The following SNX29 variants were observed in gnomAD, a reference collection of about 807,000 sequenced individuals.
SNX29 encodes the protein sorting nexin-29.
A neutral mutation model predicts 102.1 loss-of-function variants in SNX29; 78 were observed. That is an observed-to-expected ratio of 0.76 (90% CI 0.64 to 0.92). The LOEUF (loss-of-function observed/expected upper bound fraction) is 0.92. Among genes scored for constraint, SNX29 ranks in the 40% least tolerant of loss-of-function variants. SNX29 has a pLI of 0.00. For synonymous variants in SNX29, 580 were observed against 414.5 expected (o/e 1.40, Z -4.85); for missense variants, 1,280 against 1,061.7 (o/e 1.21, Z -2.86).
At chr16:12,315,107 A>G (rs209852) in intron 15 of SNX29, among the ~76,000 whole-genome samples, 151,946 of 152,308 alleles carry the variant, frequency 1, 75,792 homozygotes, top group Middle Eastern at 1. Flanking sequence ...CTCTGGAATC[A>G]TGGGAGGCCT....
intron 20 of SNX29, among the ~76,000 whole-genome samples, chr16:12,559,681 A>C (rs542901008): frequency 6.6e-6 from 1 of 152,220 alleles, no homozygotes; most frequent in South Asian, 2.1e-4. Flanking sequence ...GGCCTGGGGC[A>C]GTAACTTCTC....
At chr16:12,536,700 G>A (rs1437224749) in intron 20 of SNX29, among the ~76,000 whole-genome samples, 1 of 152,204 alleles carries the variant, frequency 6.6e-6, no homozygotes, top group Non-Finnish European at 1.5e-5. Flanking sequence ...TCAGGGGGCT[G>A]GACGTGGTGG....
intron 18 of SNX29, among the ~76,000 whole-genome samples, chr16:12,425,155 T>C (rs933696622): frequency 1.3e-5 from 2 of 152,220 alleles, no homozygotes; most frequent in Admixed American, 1.3e-4. Flanking sequence ...ATCTGTGCTC[T>C]TGGAGGTTGT....
chr16:12,400,372 G>T (rs1401285657), intron 17 of SNX29, among the ~76,000 whole-genome samples: 2 of 152,120 alleles, frequency 1.3e-5, no homozygotes, highest in African/African-American at 4.8e-5. Flanking sequence ...CTCTGTGCTG[G>T]ACACTGTTCT....
intron 20 of SNX29, among the ~76,000 whole-genome samples, chr16:12,544,731 C>A (rs62026956): frequency 6.6e-6 from 1 of 152,096 alleles, no homozygotes; most frequent in African/African-American, 2.4e-5. Context: ...GGGGAAACCT[C>A]GGCCCAGAGA....
intron 16 of SNX29, among the ~76,000 whole-genome samples, chr16:12,361,351 C>G (rs923165809): frequency 3.9e-5 from 6 of 152,246 alleles, no homozygotes; most frequent in African/African-American, 1.4e-4. Flanking sequence ...TGGTAGGTGA[C>G]TGTTGTCACT....
At chr16:12,448,901 C>T (rs7189993) in intron 18 of SNX29, among the ~76,000 whole-genome samples, 40,427 of 152,102 alleles carry the variant, frequency 0.27, 5,794 homozygotes, top group African/African-American at 0.39. Flanking sequence ...TTGGTTTTCG[C>T]ATTCACTAGG....
chr16:12,231,948 T>C (rs1286531107), intron 14 of SNX29, among the ~76,000 whole-genome samples: 3 of 152,252 alleles, frequency 2.0e-5, no homozygotes, highest in Admixed American at 1.3e-4. Flanking sequence ...CCTATGTGTT[T>C]CAGGGGTTTT....
chr16:12,538,507 G>C (rs1002361083), intron 20 of SNX29, among the ~76,000 whole-genome samples: 1 of 152,158 alleles, frequency 6.6e-6, no homozygotes, highest in Non-Finnish European at 1.5e-5. Flanking sequence ...TACTTTGTTG[G>C]TATGTGATAA....
intron 15 of SNX29, among the ~76,000 whole-genome samples, chr16:12,337,803 A>G (rs1373504825): frequency 3.3e-5 from 5 of 152,162 alleles, no homozygotes; most frequent in South Asian, 2.1e-4. Context: ...TTTTGCTGCC[A>G]TTGTCAGCAT....
Position 12,570,114 on chromosome 16 carries a change from T to C in SNX29, c.*1485T>C. The C allele has an allele frequency of 9.8e-7, 1 of 1,019,978 alleles. No individual in the cohort carries two copies. 63.2% of individuals were successfully genotyped at this position (1,019,978 alleles called of 1,614,324 possible). ...CTTCCCCTCGTAGCAAAAAGGAAGA[T>C]TGTTCATGGCCTTTAAGGAAGGCTG... is the stretch of plus-strand genomic sequence containing the variant. On this transcript the variant is annotated 3_prime_UTR_variant, in exon 21 of 21. Transcript: ENST00000566228.
chr16:12,300,214 C>T (rs1366636120), intron 15 of SNX29, among the ~76,000 whole-genome samples: 4 of 152,142 alleles, frequency 2.6e-5, no homozygotes, highest in Admixed American at 2.0e-4. Context: ...AATCTGGTAG[C>T]CAAGTAACGT....
intron 20 of SNX29, among the ~76,000 whole-genome samples, chr16:12,564,553 C>T (rs974133576): frequency 3.9e-5 from 6 of 152,150 alleles, no homozygotes; most frequent in African/African-American, 1.2e-4. Flanking sequence ...CCTTTGGCAA[C>T]CCATTCTTAT....
chr16:12,025,661 C>T (rs747352938), intron 3 of SNX29, among the ~76,000 whole-genome samples: 5 of 152,096 alleles, frequency 3.3e-5, no homozygotes, highest in Admixed American at 6.5e-5. Flanking sequence ...ATGCTGGGAT[C>T]GATTAGTGAT....
intron 13 of SNX29, among the ~76,000 whole-genome samples, chr16:12,199,027 A>G (rs980364516): frequency 3.3e-5 from 5 of 152,054 alleles, no homozygotes; most frequent in African/African-American, 9.7e-5. Flanking sequence ...GTAATCTTAC[A>G]TGGGGGTGGA....
Position 11,999,358 on chromosome 16 carries a change from G to C in SNX29, c.69G>C (p.Gln23His). The change falls in exon 2 of 21, where the codon CAG (glutamine) becomes CAC (histidine). Residue 23 changes from glutamine (Q) to histidine (H), a missense_variant and splice_region_variant. Gln to His is a conservative substitution (Grantham distance 24). Transcript: ENST00000566228. Reference sequence around the variant, plus strand: ...AGCGACTGCTGGATGCAGTGAAACAGGTAAGCAGAAAGCACACATTTGCCT... The same window carrying C: ...AGCGACTGCTGGATGCAGTGAAACACGTAAGCAGAAAGCACACATTTGCCT... ...LLERLLDAVK[Q>H]CQIRFGGRKE... is the part of the protein sequence containing the mutation. 5.0e-6 allele frequency: 8 copies of C among 1,614,028 alleles called. No homozygotes were observed. Among genetic ancestry groups the C allele is most frequent in the Non-Finnish European group, 6.8e-6 (8 of 1,179,948 alleles).
intron 18 of SNX29, among the ~76,000 whole-genome samples, chr16:12,470,050 C>A (rs1489541897): frequency 6.6e-6 from 1 of 152,168 alleles, no homozygotes; most frequent in East Asian, 1.9e-4. Context: ...AATCGCAGGG[C>A]TTTTGTGAAC....
At chr16:12,002,653 G>T (rs746445192) in intron 2 of SNX29, among the ~76,000 whole-genome samples, 1 of 152,236 alleles carries the variant, frequency 6.6e-6, no homozygotes. Context: ...AGAGCTGTGT[G>T]TGGTAGACAG....
At chr16:12,036,193 G>GC (rs2057466695) in intron 4 of SNX29, among the ~76,000 whole-genome samples, 1 of 152,036 alleles carries the variant, frequency 6.6e-6, no homozygotes, top group Non-Finnish European at 1.5e-5. Context: ...TCCTGCTTCC[G>GC]CCTCCCAAGT....
Sources: gnomAD v4.1 joint callset for allele counts (sites outside exome capture counted in the v4.1 genomes callset) on GRCh38, gnomAD v4.1.1 for gene constraint, MANE v1.5 for transcripts, NCBI Gene and HGNC (gene_info 2026-07-23, HGNC 2026-07-21) for gene names.